Variants in PDE1A observed in about 807,000 individuals in gnomAD.
PDE1A encodes the protein dual specificity calcium/calmodulin-dependent 3',5'-cyclic nucleotide phosphodiesterase 1A.
In PDE1A, 35 loss-of-function variants were observed where a neutral mutation model predicts 61.7. The ratio of observed to expected loss-of-function variants is 0.57; its 90% CI spans 0.43 to 0.75. The LOEUF is 0.75. PDE1A is among the 30% of genes least tolerant of loss of function. PDE1A has a pLI of 0.00. For missense variants in PDE1A, 597 were observed against 630.6 expected (o/e 0.95, Z 0.57); for synonymous variants, 232 against 213.2 (o/e 1.09, Z -0.77).
the PDE1A span, chr2:182,716,281 C>T: frequency 6.6e-6 from 1 of 152,414 alleles, no homozygotes; most frequent in Non-Finnish European, 1.5e-5. Flanking sequence ...GAGACCGGCG[C>T]GTGAGGAACC....
At chr2:182,661,331 C>T in the PDE1A span, among the ~76,000 whole-genome samples, 1 of 152,124 alleles carries the variant, frequency 6.6e-6, no homozygotes, top group East Asian at 1.9e-4. Context: ...ATGCTCTTAC[C>T]TAATATATGC....
At chr2:182,296,214 T>G (rs557220011) in intron 1 of PDE1A, among the ~76,000 whole-genome samples, 1 of 152,334 alleles carries the variant, frequency 6.6e-6, no homozygotes, top group South Asian at 2.1e-4. Flanking sequence ...GGGTTGCTTT[T>G]GAGCTCACCT....
At chr2:182,383,047 T>C (rs1700822730) in intron 1 of PDE1A, among the ~76,000 whole-genome samples, 1 of 152,200 alleles carries the variant, frequency 6.6e-6, no homozygotes, top group Non-Finnish European at 1.5e-5. Context: ...TCCCTCATTC[T>C]GGTCCCAAGT....
chr2:182,170,156 A>G (rs562328983), intron 13 of PDE1A, among the ~76,000 whole-genome samples: 4 of 152,180 alleles, frequency 2.6e-5, no homozygotes, highest in African/African-American at 9.6e-5. Context: ...CTGGTTTTGA[A>G]TTTGGGCAAA....
At chr2:182,645,229 G>A in the PDE1A span, among the ~76,000 whole-genome samples, 20 of 151,902 alleles carry the variant, frequency 1.3e-4, no homozygotes, top group African/African-American at 3.1e-4. Context: ...CTCGTGATCT[G>A]CCCGCCTCGG....
intron 1 of PDE1A, among the ~76,000 whole-genome samples, chr2:182,299,407 G>A (rs1695088863): frequency 6.7e-6 from 1 of 149,144 alleles, no homozygotes; most frequent in African/African-American, 2.5e-5. Context: ...CCGAGTACAA[G>A]TCCTTAATAC....
chr2:182,202,337 A>G (rs983171239), intron 8 of PDE1A, among the ~76,000 whole-genome samples: 1 of 152,204 alleles, frequency 6.6e-6, no homozygotes, highest in Admixed American at 6.5e-5. Flanking sequence ...AACGACTACT[A>G]TTAATAAAAC....
At chr2:182,572,532 T>C in the PDE1A span, among the ~76,000 whole-genome samples, 2 of 152,198 alleles carry the variant, frequency 1.3e-5, no homozygotes, top group African/African-American at 4.8e-5. Context: ...GCTAGGAAAT[T>C]TTCTACTTCA....
intron 7 of PDE1A, among the ~76,000 whole-genome samples, chr2:182,210,528 C>T (rs181801648): frequency 6.6e-6 from 1 of 152,226 alleles, no homozygotes. Flanking sequence ...GAGTTTTAAG[C>T]ATTCTTTGTA....
chr2:182,387,414 T>TA (rs71405478), intron 1 of PDE1A, among the ~76,000 whole-genome samples: 3,701 of 81,054 alleles, frequency 0.046, 53 homozygotes, highest in Middle Eastern at 0.075. Flanking sequence ...GAATGATCAA[T>TA]AAAAAAAAAA....
intron 1 of PDE1A, among the ~76,000 whole-genome samples, chr2:182,312,332 T>A: frequency 6.6e-6 from 1 of 152,128 alleles, no homozygotes; most frequent in East Asian, 1.9e-4. Flanking sequence ...TTTTTAATTT[T>A]GTAGATTATA....
the PDE1A span, among the ~76,000 whole-genome samples, chr2:182,541,384 T>C: frequency 6.6e-6 from 1 of 152,194 alleles, no homozygotes; most frequent in Non-Finnish European, 1.5e-5. Context: ...AAGATAAGCT[T>C]AGATCTATTC....
At chr2:182,271,090 A>G (rs1692984907) in intron 1 of PDE1A, among the ~76,000 whole-genome samples, 1 of 151,566 alleles carries the variant, frequency 6.6e-6, no homozygotes, top group African/African-American at 2.4e-5. Flanking sequence ...AACGGGATCA[A>G]TGGCATAATG....
chr2:182,508,336 G>T (rs567199273), intron 2 of PDE1A, among the ~76,000 whole-genome samples: 88 of 151,486 alleles, frequency 5.8e-4, no homozygotes, highest in African/African-American at 2.0e-3. Context: ...CAAAACAAAG[G>T]TGCCCACTTT....
the PDE1A span, among the ~76,000 whole-genome samples, chr2:182,662,829 T>C: frequency 6.6e-6 from 1 of 152,032 alleles, no homozygotes; most frequent in Admixed American, 6.6e-5. Context: ...AATTGACAAA[T>C]AGGATCTAAT....
At chr2:182,345,400 T>C (rs1698459360) in intron 1 of PDE1A, among the ~76,000 whole-genome samples, 1 of 152,212 alleles carries the variant, frequency 6.6e-6, no homozygotes, top group African/African-American at 2.4e-5. Context: ...AGTACACCAA[T>C]AAATATTATT....
In PDE1A at chr2:182,501,587, T is replaced by C. The variant is rs557024425; in HGVS notation, c.101+20689A>G. Among the ~76,000 whole-genome samples the C allele has an allele frequency of 3.2e-4, 49 of 152,350 alleles. 3 individuals are homozygous for C. The South Asian group carries it at 0.01, about 32-fold the overall frequency. On this transcript the variant is annotated intron_variant, in intron 2 of 14. Coordinates refer to the PDE1A transcript ENST00000410103. ...ATAAAATCTCCTACCATATATTCAT[T>C]TCACAAATTATATTTCTTGTGTAAG...
At chr2:182,545,949 G>A in the PDE1A span, among the ~76,000 whole-genome samples, 1 of 152,166 alleles carries the variant, frequency 6.6e-6, no homozygotes, top group South Asian at 2.1e-4. Flanking sequence ...AGAGTTTTAA[G>A]AGGACTTTTA....
the PDE1A span, among the ~76,000 whole-genome samples, chr2:182,708,060 T>C: frequency 1.3e-5 from 2 of 152,198 alleles, no homozygotes; most frequent in African/African-American, 4.8e-5. Context: ...GTGATGGATA[T>C]GCTATTTACC....
Sources: allele counts gnomAD v4.1 joint callset (sites outside exome capture counted in the v4.1 genomes callset), GRCh38; gene constraint gnomAD v4.1.1; transcripts MANE v1.5; gene names NCBI Gene and HGNC (gene_info 2026-07-23, HGNC 2026-07-21).